The following AKR1A1 variants were observed in gnomAD, a reference collection of about 807,000 sequenced individuals.
AKR1A1 encodes aldo-keto reductase family 1 member A1.
In AKR1A1, 26 loss-of-function variants were observed where a neutral mutation model predicts 39.2. That is an observed-to-expected ratio of 0.66 (90% CI 0.49 to 0.92). The LOEUF is 0.92. AKR1A1 is among the 40% of genes least tolerant of loss of function. The pLI, the probability that AKR1A1 is intolerant of heterozygous loss-of-function variation, is 0.00. For missense variants in AKR1A1, 378 were observed against 406.5 expected (o/e 0.93, Z 0.60); for synonymous variants, 141 against 155.5 (o/e 0.91, Z 0.69).
chr1:45,568,642 T>C lies in AKR1A1; in HGVS notation c.710T>C (p.Leu237Ser). 1 of 1,613,812 alleles carries C rather than the reference T, an allele frequency of 6.2e-7. No individual in the cohort carries two copies. ...CTGGAGGAACCAGTAGTCCTGGCAT[T>C]GGCTGAAAAGTATGGCCGATCTCCA... ...VLLEEPVVLALAEKYGRSPAQ... is the reference protein window; with the variant it reads ...VLLEEPVVLASAEKYGRSPAQ... Residue 237 changes from leucine (L) to serine (S), a missense_variant, in exon 6 of 9, where the codon TTG becomes TCG. Transcript: ENST00000351829.
chr1:45,564,137 C>T (rs1030610088), intron 2 of AKR1A1, among the ~76,000 whole-genome samples: 15 of 152,296 alleles, frequency 9.8e-5, no homozygotes, highest in African/African-American at 3.6e-4. Flanking sequence ...TGACCTGTGT[C>T]TCTTTTCCCT....
rs1388701440 is a variant in AKR1A1 at position 45,568,207 on chromosome 1, G to A, written c.552+30G>A. ...GGACAGCAAGCAGATGAGTGGTTTA[G>A]GGGTTGTCTGCTCAAGAGCATGAGG... On this transcript the variant is annotated intron_variant, in intron 5 of 8. Coordinates refer to ENST00000351829, the MANE Select transcript of AKR1A1 (RefSeq NM_153326.3). 11 of 1,588,222 alleles carry A rather than the reference G, an allele frequency of 6.9e-6. No individual in the cohort carries two copies. The Admixed American group carries it at 1.1e-4, about 16-fold the overall frequency.
intron 2 of AKR1A1, among the ~76,000 whole-genome samples, chr1:45,565,558 C>T (rs1644330524): frequency 6.6e-6 from 1 of 152,136 alleles, no homozygotes. Context: ...ACTGCAGCCT[C>T]CCCCGCCTGG....
At position 45,562,026 on chromosome 1, in the gene AKR1A1, G is replaced by C. The variant is rs142002349; in HGVS notation, c.84+148G>C. ...CAATTATACATCCTGGGCTTCCCCA[G>C]CTGACTCAGAGAGTGGGCTGAGGGG... On this transcript the variant is annotated intron_variant, in intron 2 of 8. Transcript: ENST00000351829. The C allele has an allele frequency of 6.2e-4, 470 of 763,346 alleles. 2 individuals carry two copies. In the African/African-American group the frequency reaches 7.6e-3, roughly 12 times the overall value. The allele number at this position is 763,346 out of a possible 1,614,324, so 47.3% of individuals were successfully genotyped here.
intron 2 of AKR1A1, among the ~76,000 whole-genome samples, chr1:45,566,340 C>A (rs1480798314): frequency 1.3e-5 from 2 of 152,132 alleles, no homozygotes; most frequent in East Asian, 1.9e-4. Context: ...GCTGGCCAGG[C>A]TGGTCTCGAA....
chr1:45,557,910 G>GTTTTTTTTT (rs1285024512), intron 1 of AKR1A1, among the ~76,000 whole-genome samples: 1 of 64,234 alleles, frequency 1.6e-5, no homozygotes, highest in African/African-American at 7.1e-5. Flanking sequence ...CTCACAACTT[G>GTTTTTTTTT]TCTTTTTTTT....
At chr1:45,558,362 G>C (rs1644234731) in intron 1 of AKR1A1, among the ~76,000 whole-genome samples, 1 of 150,032 alleles carries the variant, frequency 6.7e-6, no homozygotes, top group Admixed American at 6.7e-5. Flanking sequence ...CCAAGTAGCT[G>C]AGATTACAGG....
chr1:45,558,523 C>G (rs543106137), intron 1 of AKR1A1, among the ~76,000 whole-genome samples: 1 of 151,502 alleles, frequency 6.6e-6, no homozygotes, highest in East Asian at 2.0e-4. Context: ...TCTCAGCCTT[C>G]TGAGTATCTG....
At chr1:45,561,651 G>A (rs944385581) in intron 1 of AKR1A1, 138 bp from the exon 2 acceptor site, 23 of 741,734 alleles carry the variant, frequency 3.1e-5, no homozygotes, top group Non-Finnish European at 4.1e-5. Flanking sequence ...TGATCTGCCC[G>A]CCTCAGCCTC....
chr1:45,557,152 T>G (rs986396477), intron 1 of AKR1A1, among the ~76,000 whole-genome samples: 12 of 152,110 alleles, frequency 7.9e-5, no homozygotes, highest in East Asian at 1.9e-4. Flanking sequence ...ATCGCGCCAT[T>G]GCACCCCAGC....
At chr1:45,561,370 G>C (rs944458496) in intron 1 of AKR1A1, among the ~76,000 whole-genome samples, 4 of 151,756 alleles carry the variant, frequency 2.6e-5, no homozygotes, top group Admixed American at 6.6e-5. Flanking sequence ...ATATAACCAC[G>C]TGTTTGTCCT....
chr1:45,567,752 A>G (rs550155592), intron 4 of AKR1A1: 6 of 363,860 alleles, frequency 1.6e-5, no homozygotes, highest in African/African-American at 4.2e-5. Flanking sequence ...GCGTGAACCC[A>G]GGAGGTGGAG....
At chr1:45,561,658 C>G in intron 1 of AKR1A1, 131 bp from the exon 2 acceptor site, 1 of 817,058 alleles carries the variant, frequency 1.2e-6, no homozygotes, top group East Asian at 2.6e-5. Context: ...CCCGCCTCAG[C>G]CTCCCAAAGT....
At chr1:45,559,518 T>C (rs1219589047) in intron 1 of AKR1A1, among the ~76,000 whole-genome samples, 1 of 152,192 alleles carries the variant, frequency 6.6e-6, no homozygotes, top group Admixed American at 6.6e-5. Flanking sequence ...TTTTCTGTAG[T>C]ACATCATACT....
In AKR1A1 at chr1:45,561,878, G is replaced by A. The variant is rs1334894467; in HGVS notation, c.84G>A (p.Gln28=). 1 of 1,614,074 alleles carries A rather than the reference G, an allele frequency of 6.2e-7. No homozygotes were observed. The highest frequency in any genetic ancestry group is 2.2e-5 in the East Asian group (1 of 44,876). Reference sequence around the variant, plus strand: ...GTACCTGGAAGAGTGAGCCTGGTCAGGTGAGGGATGGGGGAAGAAAAAAGA... The same window carrying A: ...GTACCTGGAAGAGTGAGCCTGGTCAAGTGAGGGATGGGGGAAGAAAAAAGA... ...GLGTWKSEPG[Q]VKAAVKYALS... is the part of the protein sequence containing the mutation. The change falls in exon 2 of 9, where the codon CAG becomes CAA. Residue 28 remains glutamine, a splice_region_variant and synonymous_variant. Coordinates refer to ENST00000351829, the MANE Select transcript of AKR1A1 (RefSeq NM_153326.3).
At chr1:45,556,316 C>T (rs1301916242) in intron 1 of AKR1A1, among the ~76,000 whole-genome samples, 1 of 152,262 alleles carries the variant, frequency 6.6e-6, no homozygotes, top group Non-Finnish European at 1.5e-5. Context: ...GGCGCGGCGG[C>T]TCGCGCCTGT....
intron 4 of AKR1A1, 141 bp downstream of exon 4, chr1:45,567,161 G>C: frequency 8.7e-7 from 1 of 1,153,366 alleles, no homozygotes; most frequent in Non-Finnish European, 1.2e-6. Context: ...TGGGATCTTA[G>C]CCTCTTCTGC....
intron 4 of AKR1A1, chr1:45,567,635 G>A (rs377217921): frequency 1.2e-5 from 2 of 170,380 alleles, no homozygotes; most frequent in East Asian, 3.4e-4. Flanking sequence ...AGATCATCCT[G>A]GCTAACACGG....
At position 45,569,131 on chromosome 1, in the gene AKR1A1, C is replaced by A. The variant is rs577507584; in HGVS notation, c.826-12C>A. ...AAAGCTGGCTTTCTTGAACCCCACTCTCCATCCTCAGGTGTTTGACTTCAC... is the reference window on the plus strand; with the variant it reads ...AAAGCTGGCTTTCTTGAACCCCACTATCCATCCTCAGGTGTTTGACTTCAC... On this transcript the variant is annotated splice_polypyrimidine_tract_variant and intron_variant, in intron 7 of 8. Transcript: ENST00000351829. The A allele has an allele frequency of 6.2e-7, 1 of 1,613,456 alleles. No homozygotes were observed. Among genetic ancestry groups the A allele is most frequent in the Admixed American group, 1.7e-5 (1 of 60,006 alleles).
Sources: gnomAD v4.1 joint callset for allele counts (sites outside exome capture counted in the v4.1 genomes callset) on GRCh38, gnomAD v4.1.1 for gene constraint, MANE v1.5 for transcripts, NCBI Gene and HGNC (gene_info 2026-07-23, HGNC 2026-07-21) for gene names.